Variants in PRKX observed in about 807,000 individuals in gnomAD.
PRKX encodes cAMP-dependent protein kinase catalytic subunit PRKX.
PRKX carries 12 observed loss-of-function variants against 22.0 expected under a neutral mutation model. That is an observed-to-expected ratio of 0.54 (90% CI 0.35 to 0.88). PRKX has a LOEUF of 0.88. Among genes scored for constraint, PRKX ranks in the 40% least tolerant of loss-of-function variants. The pLI is 0.01. For synonymous variants in PRKX, 134 were observed against 137.7 expected (o/e 0.97, Z 0.19); for missense variants, 217 against 308.0 (o/e 0.70, Z 2.21).
chrX:3,651,751 C>T (rs755046433), intron 3 of PRKX, among the ~76,000 whole-genome samples: 1 of 111,624 alleles, frequency 9.0e-6, no homozygotes, highest in African/African-American at 3.2e-5. Context: ...TACCCAACCC[C>T]ACCACATCAA....
intron 2 of PRKX, among the ~76,000 whole-genome samples, chrX:3,673,741 G>A (rs1927893396): frequency 1.8e-5 from 2 of 111,176 alleles, no homozygotes; most frequent in African/African-American, 6.5e-5. Context: ...CTGCTGGAAT[G>A]GTCTGAATAT....
chrX:3,631,919 G>A (rs777566328), intron 4 of PRKX, among the ~76,000 whole-genome samples: 28 of 112,676 alleles, frequency 2.5e-4, no homozygotes, highest in Non-Finnish European at 4.5e-4. Flanking sequence ...CTTTCAGTCT[G>A]TGGTAGTTTC....
In PRKX at chrX:3,696,341, C is replaced by T. The variant is rs1441371206; in HGVS notation, c.166+16747G>A. Reference sequence around the variant, plus strand: ...TCAACTTACAATGATGACATTACACCCCATAAACCCTTTGTAAGTTGAAAA... The same window carrying T: ...TCAACTTACAATGATGACATTACACTCCATAAACCCTTTGTAAGTTGAAAA... On this transcript the variant is annotated intron_variant, in intron 1 of 8. Transcript: ENST00000262848. 3.6e-5 allele frequency among the ~76,000 whole-genome samples: 4 copies of T among 111,392 alleles called. No individual in the cohort carries two copies. In the East Asian group the frequency reaches 1.1e-3, roughly 31 times the overall value.
At chrX:3,661,398 A>C (rs1431523146) in intron 2 of PRKX, among the ~76,000 whole-genome samples, 2 of 110,815 alleles carry the variant, frequency 1.8e-5, no homozygotes, top group Admixed American at 9.7e-5. Context: ...CTTGAGACCA[A>C]GAGTTTGAGA....
At chrX:3,641,039 C>T (rs1054840349) in intron 4 of PRKX, among the ~76,000 whole-genome samples, 1 of 111,650 alleles carries the variant, frequency 9.0e-6, no homozygotes, top group Non-Finnish European at 1.9e-5. Flanking sequence ...GGAAAACTCA[C>T]GAAAAATCCA....
chrX:3,709,058 T>TA (rs1928736617), intron 1 of PRKX, among the ~76,000 whole-genome samples: 2 of 106,910 alleles, frequency 1.9e-5, no homozygotes, highest in Middle Eastern at 0.01. Flanking sequence ...CTCATGCCTG[T>TA]ATATAGTCCC....
intron 1 of PRKX, among the ~76,000 whole-genome samples, chrX:3,688,477 G>A (rs1188042478): frequency 9.7e-6 from 1 of 103,102 alleles, no homozygotes; most frequent in Non-Finnish European, 2.0e-5. Flanking sequence ...CTCAAGAAGT[G>A]GGCACAGCCC....
At chrX:3,666,977 TA>T (rs1195804228) in intron 2 of PRKX, among the ~76,000 whole-genome samples, 1 of 80,397 alleles carries the variant, frequency 1.2e-5, no homozygotes, top group South Asian at 5.3e-4. Flanking sequence ...GTTAACAAAA[TA>T]AAAAAATTAA....
chrX:3,624,526 T>A (rs1246884308), intron 5 of PRKX, among the ~76,000 whole-genome samples: 1 of 111,262 alleles, frequency 9.0e-6, no homozygotes, highest in African/African-American at 3.3e-5. Flanking sequence ...CGCTTCTGGT[T>A]TATTCTATTT....
rs1268121875 is a variant in PRKX at position 3,607,131 on chromosome X, TTAA to T, written c.*1835_*1837del. 1.8e-5 allele frequency: 2 copies of T among 112,253 alleles called. No individual in the cohort carries two copies. The highest frequency in any genetic ancestry group is 6.5e-5 in the African/African-American group (2 of 30,922). The allele number at this position is 112,253 out of a possible 1,213,427, so 9.3% of individuals were successfully genotyped here. A position where few individuals can be genotyped will look rare whatever the true frequency, so the allele number is the denominator to read the frequency against. ...CTCAAGTGTTTCATTTATGGTTTTA[TTAA>T]TAATTTTTAAAGTAGAATGTTCAAT... On this transcript the variant is annotated 3_prime_UTR_variant, in exon 9 of 9. Coordinates refer to ENST00000262848, the MANE Select transcript of PRKX (RefSeq NM_005044.5).
At chrX:3,700,661 C>G (rs954325835) in intron 1 of PRKX, among the ~76,000 whole-genome samples, 1 of 111,074 alleles carries the variant, frequency 9.0e-6, no homozygotes, top group Non-Finnish European at 1.9e-5. Context: ...TCACTTCGAC[C>G]TCGACCTCTT....
Position 3,604,752 on chromosome X carries a change from G to A in PRKX, c.*4217C>T, listed in dbSNP as rs923694408. ...GCTCAACAGCCATCTCAGAGCACAA[G>A]GACTGTGGAAAGGCTTCAAGTCTCA... On this transcript the variant is annotated 3_prime_UTR_variant, in exon 9 of 9. Coordinates refer to ENST00000262848, the MANE Select transcript of PRKX (RefSeq NM_005044.5). The A allele has an allele frequency of 8.9e-6, 1 of 111,993 alleles. No individual in the cohort carries two copies. Among genetic ancestry groups the A allele is most frequent in the African/African-American group, 3.3e-5 (1 of 30,742 alleles). The allele number at this position is 111,993 out of a possible 1,213,427, so 9.2% of individuals were successfully genotyped here. A position where few individuals can be genotyped will look rare whatever the true frequency, so the allele number is the denominator to read the frequency against.
In PRKX at chrX:3,675,970, C is replaced by G. The variant is rs188616196; in HGVS notation, c.167-1204G>C. Among the ~76,000 whole-genome samples the G allele has an allele frequency of 7.2e-5, 8 of 111,189 alleles. No homozygotes were observed. The East Asian group carries it at 2.3e-3, about 31-fold the overall frequency. ...GCGTTGCTCAGGCTAGCCTTGAACT[C>G]CTGGGCTCAAGTGATCCTCCTGCTT... On this transcript the variant is annotated intron_variant, in intron 1 of 8. Coordinates refer to ENST00000262848, the MANE Select transcript of PRKX (RefSeq NM_005044.5).
intron 6 of PRKX, 98 bp downstream of exon 6, chrX:3,621,161 G>A (rs1382305833): frequency 2.8e-6 from 2 of 714,122 alleles, no homozygotes; most frequent in Non-Finnish European, 4.1e-6. Flanking sequence ...AAATACGACC[G>A]CTAAGCCTTG....
intron 7 of PRKX, among the ~76,000 whole-genome samples, chrX:3,613,877 A>AAAAAAAAAAAAAAAAG (rs1926361936): frequency 1.0e-5 from 1 of 95,373 alleles, no homozygotes; most frequent in African/African-American, 4.1e-5. Flanking sequence ...AAAAAAAAAA[A>AAAAAAAAAAAAAAAAG]AAAGAAGCGT....
intron 4 of PRKX, among the ~76,000 whole-genome samples, chrX:3,639,697 C>G (rs889044737): frequency 1.8e-5 from 2 of 110,653 alleles, no homozygotes; most frequent in African/African-American, 6.6e-5. Context: ...TTTACGGGTT[C>G]CACTCTCCTC....
At chrX:3,676,454 C>G (rs1443820116) in intron 1 of PRKX, among the ~76,000 whole-genome samples, 3 of 111,705 alleles carry the variant, frequency 2.7e-5, no homozygotes, top group East Asian at 5.6e-4. Flanking sequence ...TATGACAGCA[C>G]TATTCACAAC....
At chrX:3,695,380 A>G (rs1190424216) in intron 1 of PRKX, among the ~76,000 whole-genome samples, 1 of 111,310 alleles carries the variant, frequency 9.0e-6, no homozygotes, top group Non-Finnish European at 1.9e-5. Context: ...GTTTTCTCTT[A>G]TATTTCCCTT....
chrX:3,708,861 A>C (rs1323816317), intron 1 of PRKX, among the ~76,000 whole-genome samples: 1 of 109,293 alleles, frequency 9.1e-6, no homozygotes, highest in Non-Finnish European at 1.9e-5. Context: ...AAAAAAAAAA[A>C]AAAGTGTCGA....
Sources: gnomAD v4.1 joint callset for allele counts (sites outside exome capture counted in the v4.1 genomes callset) on GRCh38, gnomAD v4.1.1 for gene constraint, MANE v1.5 for transcripts, NCBI Gene and HGNC (gene_info 2026-07-23, HGNC 2026-07-21) for gene names.